Variants in IL19 observed in about 807,000 individuals in gnomAD.
IL19 encodes the protein interleukin-19.
IL19 carries 15 observed loss-of-function variants against 19.5 expected under a neutral mutation model. The observed-to-expected ratio is 0.77, with a 90% CI of 0.52 to 1.19. The LOEUF (loss-of-function observed/expected upper bound fraction) is 1.19, where lower values mean the gene tolerates loss of function less well. Ranked by LOEUF, IL19 falls within the 50% of genes most tolerant of loss-of-function variation. The pLI, the probability that IL19 is intolerant of heterozygous loss-of-function variation, is 0.00. For missense variants in IL19, 199 were observed against 213.1 expected, an observed-to-expected ratio of 0.93 and a Z score of 0.41; for synonymous variants, 78 against 78.3, an observed-to-expected ratio of 1.00 and a Z score of 0.02.
In IL19 at chr1:206,809,593, T is replaced by C. The variant is rs1675947949; in HGVS notation, c.-3+10587T>C. 5.3e-5 allele frequency among the ~76,000 whole-genome samples: 8 copies of C among 152,212 alleles called. No homozygotes were observed. In the South Asian group the frequency reaches 1.4e-3, roughly 28 times the overall value. ...CAACCTCTGGGCATCTAACTAGTTT[T>C]AGGAAAACCACCAGAAAAGGTGAAT... On this transcript the variant is annotated intron_variant, in intron 2 of 6. Transcript: ENST00000659997.
chr1:206,776,304 G>A (rs1174688111), intron 1 of IL19, among the ~76,000 whole-genome samples: 1 of 152,102 alleles, frequency 6.6e-6, no homozygotes, highest in Non-Finnish European at 1.5e-5. Flanking sequence ...ATAGGAGGTG[G>A]TAAAGTCCAA....
In IL19 at chr1:206,834,127, T is replaced by TATC. The variant is rs1259725064; in HGVS notation, c.-2-2532_-2-2531insCAT. On this transcript the variant is annotated intron_variant, in intron 2 of 6. Transcript: ENST00000659997. ...CTCATTTGCATGGAGATGGGGAGTT[T>TATC]ATTTTTCCTAGAAGCTGCATGTCAA... 4.1e-6 allele frequency: 4 copies of TATC among 985,586 alleles called. No homozygotes were observed. The East Asian group carries it at 4.5e-4, about 110-fold the overall frequency. The allele number at this position is 985,586 out of a possible 1,614,324, so 61.1% of individuals were successfully genotyped here.
intron 2 of IL19, among the ~76,000 whole-genome samples, chr1:206,800,926 G>A (rs911495142): frequency 6.6e-6 from 1 of 152,142 alleles, no homozygotes. Context: ...ACCACCTCTG[G>A]CCAGAAACAT....
chr1:206,810,388 C>T (rs992633654), intron 2 of IL19, among the ~76,000 whole-genome samples: 1 of 152,226 alleles, frequency 6.6e-6, no homozygotes, highest in African/African-American at 2.4e-5. Context: ...TAGAGGAAGG[C>T]ATCCAAGACT....
At chr1:206,822,708 C>T (rs184377099) in intron 2 of IL19, among the ~76,000 whole-genome samples, 25 of 152,220 alleles carry the variant, frequency 1.6e-4, no homozygotes, top group African/African-American at 5.8e-4. Flanking sequence ...TGTTTAATGG[C>T]CTGTCTCTCC....
chr1:206,798,548 T>G (rs1166600227), intron 1 of IL19, among the ~76,000 whole-genome samples: 1 of 152,084 alleles, frequency 6.6e-6, no homozygotes, highest in Non-Finnish European at 1.5e-5. Context: ...TATACACATT[T>G]TTTTTTCTTA....
chr1:206,821,870 C>T (rs747866059), intron 2 of IL19, among the ~76,000 whole-genome samples: 1 of 152,232 alleles, frequency 6.6e-6, no homozygotes, highest in Non-Finnish European at 1.5e-5. Context: ...AAACTCCTCA[C>T]ACTTTGGGAA....
At chr1:206,794,631 T>C (rs1401608565) in intron 1 of IL19, among the ~76,000 whole-genome samples, 2 of 152,218 alleles carry the variant, frequency 1.3e-5, no homozygotes, top group East Asian at 1.9e-4. Context: ...ATTGCTTCTT[T>C]TGATTCTCAT....
chr1:206,825,070 C>A (rs773633478), intron 2 of IL19, among the ~76,000 whole-genome samples: 1 of 152,142 alleles, frequency 6.6e-6, no homozygotes, highest in Non-Finnish European at 1.5e-5. Flanking sequence ...GAATCCAAAT[C>A]TTTTAATGTT....
chr1:206,773,586 TTGTG>T (rs2234662), intron 1 of IL19, among the ~76,000 whole-genome samples: 6,526 of 131,728 alleles, frequency 0.05, 225 homozygotes, highest in South Asian at 0.2. Context: ...TGTCTTGGAT[TTGTG>T]TGTGTGTGTG....
chr1:206,839,745 C>A, intron 4 of IL19, 105 bp from the exon 5 acceptor site: 3 of 1,001,518 alleles, frequency 3.0e-6, no homozygotes, highest in Non-Finnish European at 4.5e-6. Context: ...TCCAAAATGA[C>A]TTTTAGTTCT....
chr1:206,829,921 G>A (rs1676544483), intron 2 of IL19, among the ~76,000 whole-genome samples: 1 of 152,234 alleles, frequency 6.6e-6, no homozygotes, highest in Non-Finnish European at 1.5e-5. Flanking sequence ...TGGCATAGGT[G>A]CCCAATGTGG....
intron 2 of IL19, among the ~76,000 whole-genome samples, chr1:206,818,283 G>A (rs1251154346): frequency 6.6e-6 from 1 of 152,194 alleles, no homozygotes; most frequent in Non-Finnish European, 1.5e-5. Flanking sequence ...TAAACTGGAA[G>A]TAGCTCAAAT....
chr1:206,824,992 G>A (rs148580938), intron 2 of IL19, among the ~76,000 whole-genome samples: 4,139 of 152,288 alleles, frequency 0.027, 78 homozygotes, highest in Non-Finnish European at 0.039. Context: ...CTGACCTCAG[G>A]CAATCTGTCC....
intron 1 of IL19, among the ~76,000 whole-genome samples, chr1:206,777,630 C>CA (rs1675042731): frequency 6.6e-6 from 1 of 152,140 alleles, no homozygotes; most frequent in South Asian, 2.1e-4. Flanking sequence ...TGTTGGGCAA[C>CA]ACGGTCAGCC....
In IL19 at chr1:206,836,654, TC is replaced by T. The variant is rs1676805426; in HGVS notation, c.-2-6del. 7 of 1,593,754 alleles carry T rather than the reference TC, an allele frequency of 4.4e-6. No individual in the cohort carries two copies. The Admixed American group carries it at 1.3e-4, about 29-fold the overall frequency. On this transcript the variant is annotated splice_polypyrimidine_tract_variant and splice_region_variant and intron_variant, in intron 2 of 6. Transcript: ENST00000659997. ...GCTGGACAGCTGACTTCCTCTCCTT[TC>T]TGCAGGCATGAAGTTACAGTGTGTT...
chr1:206,822,650 G>C (rs767882203), intron 2 of IL19, among the ~76,000 whole-genome samples: 6 of 152,206 alleles, frequency 3.9e-5, no homozygotes, highest in Admixed American at 6.5e-5. Context: ...TATTGAAAAT[G>C]CTTAGCACAG....
chr1:206,823,802 G>A (rs1275855169), intron 2 of IL19, among the ~76,000 whole-genome samples: 1 of 152,156 alleles, frequency 6.6e-6, no homozygotes, highest in Non-Finnish European at 1.5e-5. Flanking sequence ...GGTAAGAAAT[G>A]CAGGGAATAA....
At chr1:206,809,256 C>T (rs1198321318) in intron 2 of IL19, among the ~76,000 whole-genome samples, 1 of 152,190 alleles carries the variant, frequency 6.6e-6, no homozygotes, top group Non-Finnish European at 1.5e-5. Context: ...TAAGACTGCT[C>T]TCATCTGAAA....
Sources: allele counts gnomAD v4.1 joint callset (sites outside exome capture counted in the v4.1 genomes callset), GRCh38; gene constraint gnomAD v4.1.1; transcripts MANE v1.5; gene names NCBI Gene and HGNC (gene_info 2026-07-23, HGNC 2026-07-21).